FHIT: variants seen among roughly 807,000 people sequenced by gnomAD.
FHIT encodes fragile histidine triad diadenosine triphosphatase, also known as bis(5'-adenosyl)-triphosphatase.
In FHIT, 19 loss-of-function variants were observed where a neutral mutation model predicts 17.9. The ratio of observed to expected loss-of-function variants is 1.06; its 90% CI spans 0.74 to 1.56. The LOEUF is 1.56. Ranked by LOEUF, FHIT falls within the 40% of genes most tolerant of loss-of-function variation. The pLI is 0.00. For synonymous variants in FHIT, 81 were observed against 69.7 expected (o/e 1.16, Z -0.81); for missense variants, 248 against 189.2 (o/e 1.31, Z -1.82).
chr3:60,138,853 G>A (rs6788821), intron 5 of FHIT, among the ~76,000 whole-genome samples: 50,852 of 151,902 alleles, frequency 0.33, 8,845 homozygotes, highest in South Asian at 0.45. Context: ...ATTATTAGAA[G>A]TAGACTGTCT....
rs551526424 is a variant in FHIT at position 61,042,522 on chromosome 3, T to C, written c.-163-423A>G. Among the ~76,000 whole-genome samples, 5 of 152,300 alleles carry C rather than the reference T, an allele frequency of 3.3e-5. 1 individual carries two copies. The South Asian group carries it at 1.0e-3, about 32-fold the overall frequency. ...ATCACATATTCTCTCTAGTTCTGTA[T>C]ATATTTGACATTTTACACAATAAAA... On this transcript the variant is annotated intron_variant, in intron 2 of 9. Coordinates refer to ENST00000492590, the MANE Select transcript of FHIT (RefSeq NM_002012.4).
chr3:59,847,060 C>G (rs558564761), intron 8 of FHIT, among the ~76,000 whole-genome samples: 1 of 152,112 alleles, frequency 6.6e-6, no homozygotes, highest in African/African-American at 2.4e-5. Flanking sequence ...TGGTGTGAGT[C>G]TTTCAGGCTC....
At chr3:60,660,398 C>T (rs781871112) in intron 4 of FHIT, among the ~76,000 whole-genome samples, 3 of 152,024 alleles carry the variant, frequency 2.0e-5, no homozygotes, top group East Asian at 1.9e-4. Flanking sequence ...AGGATGCCTG[C>T]GAGTGGGGTA....
chr3:60,982,397 A>T (rs771802953), intron 3 of FHIT, among the ~76,000 whole-genome samples: 10 of 152,280 alleles, frequency 6.6e-5, no homozygotes, highest in Non-Finnish European at 1.0e-4. Context: ...CTACACATGG[A>T]AAGTTACATA....
intron 5 of FHIT, among the ~76,000 whole-genome samples, chr3:60,145,961 A>G (rs1700221081): frequency 6.6e-6 from 1 of 152,190 alleles, no homozygotes; most frequent in African/African-American, 2.4e-5. Flanking sequence ...ACCTCCTTCA[A>G]ATATTTTTTA....
At chr3:60,534,874 C>G (rs1321178102) in intron 5 of FHIT, among the ~76,000 whole-genome samples, 3 of 152,200 alleles carry the variant, frequency 2.0e-5, no homozygotes, top group African/African-American at 7.2e-5. Context: ...TAGACATAGA[C>G]ATTTCTACTT....
At chr3:60,441,063 G>T (rs1362483707) in intron 5 of FHIT, among the ~76,000 whole-genome samples, 1 of 151,870 alleles carries the variant, frequency 6.6e-6, no homozygotes, top group Non-Finnish European at 1.5e-5. Flanking sequence ...TTTGTTCTTA[G>T]AACTTGCTGC....
chr3:61,021,811 C>T (rs983809781), intron 3 of FHIT, among the ~76,000 whole-genome samples: 4 of 152,018 alleles, frequency 2.6e-5, no homozygotes, highest in Admixed American at 6.6e-5. Context: ...AACAAAGACA[C>T]AATGTACCAG....
intron 8 of FHIT, among the ~76,000 whole-genome samples, chr3:59,855,371 T>G (rs1702110056): frequency 6.6e-6 from 1 of 152,224 alleles, no homozygotes; most frequent in Non-Finnish European, 1.5e-5. Context: ...AGGTTCATCT[T>G]TCTTCTTACA....
chr3:60,757,035 C>T (rs1553718454), intron 4 of FHIT, among the ~76,000 whole-genome samples: 1 of 151,752 alleles, frequency 6.6e-6, no homozygotes, highest in Non-Finnish European at 1.5e-5. Flanking sequence ...AAACAAACAA[C>T]AGCAAAAAAA....
In FHIT at chr3:60,842,645, A is replaced by AC. The variant is rs1702775928; in HGVS notation, c.-110-20635_-110-20634insG. ...TATATGAGTGTATATATATATATAT[A>AC]TTTTTTTTTTTTTTTTTTTCCCTTG... On this transcript the variant is annotated intron_variant, in intron 3 of 9. Coordinates refer to ENST00000492590, the MANE Select transcript of FHIT (RefSeq NM_002012.4). Among the ~76,000 whole-genome samples, 21 of 94,600 alleles carry AC rather than the reference A, an allele frequency of 2.2e-4. 1 individual carries two copies. The highest frequency in any genetic ancestry group is 6.5e-5 in the Non-Finnish European group (3 of 46,164). The allele number at this position is 94,600 out of a possible 152,430, so 62.1% of individuals were successfully genotyped here.
chr3:60,672,610 T>A (rs1243971030), intron 4 of FHIT, among the ~76,000 whole-genome samples: 3 of 152,216 alleles, frequency 2.0e-5, no homozygotes, highest in Non-Finnish European at 4.4e-5. Flanking sequence ...TACGTGCAAG[T>A]CACAGGGGAT....
At chr3:59,949,526 G>C (rs1423128483) in intron 7 of FHIT, among the ~76,000 whole-genome samples, 2 of 152,162 alleles carry the variant, frequency 1.3e-5, no homozygotes, top group Non-Finnish European at 2.9e-5. Flanking sequence ...CGCAGGCTTG[G>C]GATAGATATG....
intron 4 of FHIT, among the ~76,000 whole-genome samples, chr3:60,635,741 A>G (rs2039567439): frequency 6.6e-6 from 1 of 152,164 alleles, no homozygotes; most frequent in Non-Finnish European, 1.5e-5. Flanking sequence ...CTCTGAGCCC[A>G]TACTCATGAC....
At chr3:60,518,125 C>G (rs984278595) in intron 5 of FHIT, among the ~76,000 whole-genome samples, 9 of 152,022 alleles carry the variant, frequency 5.9e-5, no homozygotes, top group Middle Eastern at 3.2e-3. Context: ...CATAAAAGAA[C>G]AGGAAAAACT....
In FHIT at chr3:60,290,138, G is replaced by C. The variant is rs151178812; in HGVS notation, c.103+246722C>G. 2.3e-3 allele frequency among the ~76,000 whole-genome samples: 355 copies of C among 152,150 alleles called. 5 individuals are homozygous for C. The highest frequency in any genetic ancestry group is 8.2e-3 in the African/African-American group (342 of 41,526). Reference sequence around the variant, plus strand: ...CTTCAGCATTCCAATTTGACACCAGGCCCCTCTGTGTTCCGAGAAGTCAGC... The same window carrying C: ...CTTCAGCATTCCAATTTGACACCAGCCCCCTCTGTGTTCCGAGAAGTCAGC... On this transcript the variant is annotated intron_variant, in intron 5 of 9. Coordinates refer to ENST00000492590, the MANE Select transcript of FHIT (RefSeq NM_002012.4).
intron 5 of FHIT, among the ~76,000 whole-genome samples, chr3:60,472,456 C>T (rs2033137426): frequency 6.6e-6 from 1 of 151,156 alleles, no homozygotes; most frequent in African/African-American, 2.4e-5. Flanking sequence ...GCAAGCTCCA[C>T]TTCCCAGGTT....
intron 2 of FHIT, among the ~76,000 whole-genome samples, chr3:61,131,644 G>T (rs1300774798): frequency 6.6e-6 from 1 of 152,232 alleles, no homozygotes; most frequent in African/African-American, 2.4e-5. Context: ...ACTGCCATTT[G>T]CCTGTCATTT....
chr3:59,813,143 A>T (rs1250910714), intron 8 of FHIT, among the ~76,000 whole-genome samples: 1 of 152,218 alleles, frequency 6.6e-6, no homozygotes, highest in Non-Finnish European at 1.5e-5. Flanking sequence ...AATTACAATT[A>T]ATCATTATTT....
Sources: allele counts gnomAD v4.1 joint callset (sites outside exome capture counted in the v4.1 genomes callset), GRCh38; gene constraint gnomAD v4.1.1; transcripts MANE v1.5; gene names NCBI Gene and HGNC (gene_info 2026-07-23, HGNC 2026-07-21).